The following PCSK6 variants were observed in gnomAD, a reference collection of about 807,000 sequenced individuals.
PCSK6 encodes proprotein convertase subtilisin/kexin type 6.
A neutral mutation model predicts 123.3 loss-of-function variants in PCSK6; 85 were observed. That is an observed-to-expected ratio of 0.69 (90% CI 0.58 to 0.83). The LOEUF is 0.83. PCSK6 is among the 40% of genes least tolerant of loss of function. The pLI is 0.00. For missense variants in PCSK6, 1,191 were observed against 1,282.3 expected, an observed-to-expected ratio of 0.93 and a Z score of 1.09; for synonymous variants, 508 against 516.0, an observed-to-expected ratio of 0.98 and a Z score of 0.21.
intron 13 of PCSK6, among the ~76,000 whole-genome samples, chr15:101,339,532 T>G (rs2040553057): frequency 6.6e-6 from 1 of 152,194 alleles, no homozygotes; most frequent in African/African-American, 2.4e-5. Flanking sequence ...ATTCACATAC[T>G]GAATACTCCT....
chr15:101,394,714 A>G (rs1276063105), intron 7 of PCSK6, among the ~76,000 whole-genome samples: 1 of 152,172 alleles, frequency 6.6e-6, no homozygotes, highest in African/African-American at 2.4e-5. Flanking sequence ...AACATGTCAC[A>G]CTCACTTTTG....
chr15:101,388,953 C>T (rs910129978), intron 9 of PCSK6, among the ~76,000 whole-genome samples: 2 of 152,100 alleles, frequency 1.3e-5, no homozygotes, highest in Admixed American at 6.5e-5. Flanking sequence ...ATGTATTCAT[C>T]GAAGTCTTAG....
intron 12 of PCSK6, among the ~76,000 whole-genome samples, chr15:101,369,901 C>A (rs1366771773): frequency 1.3e-5 from 2 of 152,168 alleles, no homozygotes; most frequent in East Asian, 3.9e-4. Flanking sequence ...GCAGGGCAGC[C>A]CACGACTGGG....
chr15:101,331,956 G>A lies in PCSK6; in HGVS notation c.1934C>T (p.Ser645Phe). ...TGAGAGCTCCAGCATCCGCGAGCGG[G>A]ACTGATGGGCACTGAAGGTGTGGTA... ...HPYHTFSAHQ[S>F]RSRMLELSAP... The change falls in exon 14 of 22, where the codon TCC (serine) becomes TTC (phenylalanine). Residue 645 changes from serine (S) to phenylalanine (F), a missense_variant. By Grantham distance (155) the Ser-to-Phe change is radical (BLOSUM62 -2). This residue lies in a region of PCSK6 where 630 missense variants were observed against 631.4 expected (regional missense o/e 1.00). Transcript: ENST00000611716. 6.2e-7 allele frequency: 1 copy of A among 1,613,840 alleles called. No individual in the cohort carries two copies. Among genetic ancestry groups the A allele is most frequent in the Non-Finnish European group, 8.5e-7 (1 of 1,179,838 alleles).
chr15:101,366,532 C>A (rs1531817), intron 12 of PCSK6, among the ~76,000 whole-genome samples, 200 bp from the exon 13 acceptor site: 61,117 of 151,848 alleles, frequency 0.4, 13,569 homozygotes, highest in East Asian at 0.58. Flanking sequence ...TACACAGACT[C>A]TCTCCTCCAT....
At chr15:101,469,610 C>T (rs139560336) in intron 1 of PCSK6, among the ~76,000 whole-genome samples, 4 of 152,290 alleles carry the variant, frequency 2.6e-5, no homozygotes, top group Non-Finnish European at 4.4e-5. Context: ...GCCAGGCAGG[C>T]GAAGGACTGA....
At chr15:101,336,284 G>T (rs2040474934) in intron 13 of PCSK6, among the ~76,000 whole-genome samples, 1 of 152,244 alleles carries the variant, frequency 6.6e-6, no homozygotes, top group Admixed American at 6.5e-5. Context: ...TTGCTTTGGA[G>T]ATTAAATGAC....
At chr15:101,393,481 C>T in intron 7 of PCSK6, 57 bp from the exon 8 acceptor site, 1 of 1,406,144 alleles carries the variant, frequency 7.1e-7, no homozygotes, top group Middle Eastern at 1.8e-4. Context: ...TAGGGTGGGT[C>T]TCCCCCCGAA....
At chr15:101,483,660 T>C (rs2057946896) in intron 1 of PCSK6, among the ~76,000 whole-genome samples, 1 of 152,212 alleles carries the variant, frequency 6.6e-6, no homozygotes, top group Non-Finnish European at 1.5e-5. Context: ...CACAAGCAAC[T>C]TGTCTTTTCT....
At chr15:101,471,583 A>G (rs545217568) in intron 1 of PCSK6, among the ~76,000 whole-genome samples, 1 of 152,348 alleles carries the variant, frequency 6.6e-6, no homozygotes, top group Admixed American at 6.5e-5. Flanking sequence ...CACAACATAC[A>G]TCTCCCTAAA....
intron 13 of PCSK6, chr15:101,347,274 T>C (rs2040759247): frequency 1.6e-6 from 2 of 1,232,206 alleles, no homozygotes; most frequent in Non-Finnish European, 2.0e-6. Flanking sequence ...ATCTTAGAAA[T>C]GAAGATTAGC....
chr15:101,438,770 C>T (rs2056674409), intron 2 of PCSK6, among the ~76,000 whole-genome samples: 1 of 152,216 alleles, frequency 6.6e-6, no homozygotes, highest in African/African-American at 2.4e-5. Context: ...ACAAACACTG[C>T]TGTGTGCTCC....
intron 6 of PCSK6, among the ~76,000 whole-genome samples, chr15:101,412,095 C>T (rs988273268): frequency 2.0e-5 from 3 of 152,202 alleles, no homozygotes; most frequent in Non-Finnish European, 2.9e-5. Context: ...ACTTCCCACG[C>T]TTGGGTATCA....
intron 1 of PCSK6, among the ~76,000 whole-genome samples, chr15:101,482,530 C>T (rs2057914697): frequency 6.6e-6 from 1 of 152,006 alleles, no homozygotes; most frequent in South Asian, 2.1e-4. Context: ...TGTGTAGAGG[C>T]TCAGAGATCC....
intron 1 of PCSK6, among the ~76,000 whole-genome samples, chr15:101,450,929 T>C (rs1259720783): frequency 2.6e-5 from 4 of 151,796 alleles, no homozygotes; most frequent in African/African-American, 4.8e-5. Flanking sequence ...CACTGGCCAG[T>C]GCCCTTCATT....
At chr15:101,413,076 A>G (rs2055762447) in intron 6 of PCSK6, among the ~76,000 whole-genome samples, 3 of 152,126 alleles carry the variant, frequency 2.0e-5, no homozygotes, top group African/African-American at 7.2e-5. Context: ...AAGTTCTCGA[A>G]GAAATAATGG....
chr15:101,345,811 G>A lies in PCSK6; in HGVS notation c.1859-13780C>T, dbSNP rs564389240. 5.3e-5 allele frequency among the ~76,000 whole-genome samples: 8 copies of A among 152,290 alleles called. No homozygotes were observed. In the East Asian group the frequency reaches 1.3e-3, roughly 26 times the overall value. On this transcript the variant is annotated intron_variant, in intron 13 of 21. Transcript: ENST00000611716. ...GCCTCCTGAGTAGCTGGGATTATAG[G>A]CACCCACCACCATGACCGGCTAATT...
chr15:101,327,808 C>T (rs997984136), intron 15 of PCSK6, among the ~76,000 whole-genome samples: 1 of 152,132 alleles, frequency 6.6e-6, no homozygotes, highest in Non-Finnish European at 1.5e-5. Context: ...GGTGTTATTT[C>T]CCTAGTTTTC....
In PCSK6 at chr15:101,431,375, A is replaced by T; in HGVS notation, c.602T>A (p.Val201Asp). The change falls in exon 4 of 22, where the codon GTC becomes GAC. Residue 201 changes from valine to aspartate, a missense_variant. Physicochemically the swap from Val to Asp is radical, Grantham distance 152. Coordinates refer to ENST00000611716, the MANE Select transcript of PCSK6 (RefSeq NM_002570.5). Reference protein sequence around the residue: ...KRGYTGKNVVVTILDDGIERN... With the variant: ...KRGYTGKNVVDTILDDGIERN... ...CTCTATGCCATCATCAAGGATGGTG[A>T]CCACCACGTTTTTTCCTGTGTAGCC... 2 of 1,613,922 alleles carry T rather than the reference A, an allele frequency of 1.2e-6. No homozygotes were observed. The highest frequency in any genetic ancestry group is 1.7e-6 in the Non-Finnish European group (2 of 1,179,846).
Sources: gnomAD v4.1 joint callset for allele counts (sites outside exome capture counted in the v4.1 genomes callset) on GRCh38, gnomAD v4.1.1 for gene constraint, gnomAD v4.1.1 regional missense constraint, MANE v1.5 for transcripts, NCBI Gene and HGNC (gene_info 2026-07-23, HGNC 2026-07-21) for gene names.